The following SLC38A1 variants were observed in gnomAD, a reference collection of about 807,000 sequenced individuals.
SLC38A1 encodes solute carrier family 38 member 1.
Under a neutral mutation model 60.3 loss-of-function variants are expected in SLC38A1, and 18 were observed. The ratio of observed to expected loss-of-function variants is 0.30; its 90% confidence interval spans 0.21 to 0.44. The LOEUF (loss-of-function observed/expected upper bound fraction) is 0.44, where lower values mean the gene tolerates loss of function less well. SLC38A1 is among the 20% of genes least tolerant of loss of function. The pLI, the probability that SLC38A1 is intolerant of heterozygous loss-of-function variation, is 1.00. For missense variants in SLC38A1, 448 were observed against 587.2 expected, an observed-to-expected ratio of 0.76 and a Z score of 2.45; for synonymous variants, 196 against 212.1, an observed-to-expected ratio of 0.92 and a Z score of 0.66.
At chr12:46,224,261 T>C (rs1351138580) in intron 5 of SLC38A1, among the ~76,000 whole-genome samples, 1 of 152,050 alleles carries the variant, frequency 6.6e-6, no homozygotes, top group African/African-American at 2.4e-5. Flanking sequence ...TTGTTACCCA[T>C]AGAGGATATA....
intron 16 of SLC38A1, among the ~76,000 whole-genome samples, chr12:46,189,395 C>T (rs1939049587): frequency 6.6e-6 from 1 of 152,068 alleles, no homozygotes; most frequent in African/African-American, 2.4e-5. Flanking sequence ...ACTAAGATTA[C>T]AACCAAGGGG....
intron 3 of SLC38A1, among the ~76,000 whole-genome samples, chr12:46,231,421 A>C (rs1221179040): frequency 6.6e-6 from 1 of 152,184 alleles, no homozygotes; most frequent in Non-Finnish European, 1.5e-5. Context: ...GTACCTCCTA[A>C]ATCTATAAAA....
intron 3 of SLC38A1, 112 bp downstream of exon 3, chr12:46,239,567 T>C (rs932610196): frequency 2.5e-6 from 3 of 1,197,726 alleles, no homozygotes; most frequent in Admixed American, 1.8e-5. Flanking sequence ...GGTCTCGAAT[T>C]CCTGACCTCA....
chr12:46,263,072 A>G (rs1412658559), intron 1 of SLC38A1, among the ~76,000 whole-genome samples: 1 of 152,244 alleles, frequency 6.6e-6, no homozygotes, highest in African/African-American at 2.4e-5. Flanking sequence ...CAGTTCTAAC[A>G]GGACATTGGA....
chr12:46,257,031 A>C (rs1030198140), intron 1 of SLC38A1, among the ~76,000 whole-genome samples: 3 of 152,154 alleles, frequency 2.0e-5, no homozygotes, highest in African/African-American at 7.2e-5. Context: ...GAGAAGGCGA[A>C]ATGCTCAGGG....
intron 5 of SLC38A1, among the ~76,000 whole-genome samples, chr12:46,209,665 C>T (rs894082248): frequency 1.3e-5 from 2 of 152,160 alleles, no homozygotes; most frequent in African/African-American, 4.8e-5. Flanking sequence ...ATATATTGGG[C>T]TACTAATGTA....
In SLC38A1 at chr12:46,194,203, G is replaced by C. The variant is rs142043907; in HGVS notation, c.1362+3517C>G. 2.7e-4 allele frequency among the ~76,000 whole-genome samples: 41 copies of C among 152,284 alleles called. 1 individual carries two copies. The highest frequency in any genetic ancestry group is 3.4e-3 in the Middle Eastern group (1 of 294). ...CTCCTTCACTTATGAAGCTTAGTTT[G>C]GCTGGATAGGAGATTCCGGGTTGAA... On this transcript the variant is annotated intron_variant, in intron 16 of 16. Coordinates refer to ENST00000398637, the MANE Select transcript of SLC38A1 (RefSeq NM_030674.4).
rs971816750 is a variant in SLC38A1, at chr12:46,257,090, G to A, written c.-209+11436C>T. Among the ~76,000 whole-genome samples, 10 of 152,242 alleles carry A rather than the reference G, an allele frequency of 6.6e-5. No homozygotes were observed. The South Asian group carries it at 1.5e-3, about 22-fold the overall frequency. ...TGCAGCACCACTGAAAAGTTCAGGC[G>A]GCCACTTGTCAGTCAAGAAGTGATC... On this transcript the variant is annotated intron_variant, in intron 1 of 16. Coordinates refer to ENST00000398637, the MANE Select transcript of SLC38A1 (RefSeq NM_030674.4).
intron 1 of SLC38A1, among the ~76,000 whole-genome samples, chr12:46,265,843 C>T (rs1942333113): frequency 6.6e-6 from 1 of 152,166 alleles, no homozygotes; most frequent in African/African-American, 2.4e-5. Flanking sequence ...TTTTTCTCCA[C>T]CGCCCACTCC....
intron 12 of SLC38A1, among the ~76,000 whole-genome samples, chr12:46,202,572 T>C (rs759656978): frequency 3.3e-5 from 5 of 152,098 alleles, no homozygotes; most frequent in Non-Finnish European, 7.3e-5. Context: ...TAATATTGAT[T>C]TCTTATTGTC....
chr12:46,211,553 T>C (rs1940173062), intron 5 of SLC38A1, among the ~76,000 whole-genome samples: 1 of 152,260 alleles, frequency 6.6e-6, no homozygotes, highest in South Asian at 2.1e-4. Context: ...CATGGTTGTG[T>C]CTTAACACAA....
chr12:46,220,634 C>A, intron 5 of SLC38A1, among the ~76,000 whole-genome samples: 1 of 152,208 alleles, frequency 6.6e-6, no homozygotes, highest in Admixed American at 6.5e-5. Flanking sequence ...AAATAGCACA[C>A]AGACCATCTT....
chr12:46,248,987 T>A (rs1301182028), intron 1 of SLC38A1, among the ~76,000 whole-genome samples: 3 of 151,610 alleles, frequency 2.0e-5, no homozygotes, highest in African/African-American at 7.3e-5. Context: ...AAACCCCGTC[T>A]CTACTAAAAA....
chr12:46,242,714 T>G (rs952760557), intron 2 of SLC38A1, among the ~76,000 whole-genome samples: 43 of 152,092 alleles, frequency 2.8e-4, no homozygotes, highest in African/African-American at 1.0e-3. Flanking sequence ...TGGTGGGAGA[T>G]CATCTGAGCC....
chr12:46,234,887 G>A (rs1941206045), intron 3 of SLC38A1, among the ~76,000 whole-genome samples: 1 of 152,174 alleles, frequency 6.6e-6, no homozygotes, highest in African/African-American at 2.4e-5. Flanking sequence ...AATAGTTGAT[G>A]TAATATTTCT....
chr12:46,229,861 A>G (rs1941005116), intron 3 of SLC38A1, among the ~76,000 whole-genome samples: 1 of 152,182 alleles, frequency 6.6e-6, no homozygotes, highest in Admixed American at 6.5e-5. Flanking sequence ...TAAGTGCCCC[A>G]AGGGCAGGCA....
intron 5 of SLC38A1, among the ~76,000 whole-genome samples, chr12:46,212,600 C>A (rs1940224940): frequency 6.6e-6 from 1 of 152,136 alleles, no homozygotes; most frequent in African/African-American, 2.4e-5. Flanking sequence ...CTTCAAGAGT[C>A]TTTGAGTCAG....
chr12:46,234,368 T>C (rs996422419), intron 3 of SLC38A1, among the ~76,000 whole-genome samples: 1 of 152,320 alleles, frequency 6.6e-6, no homozygotes, highest in East Asian at 1.9e-4. Context: ...AGCGTCCCTA[T>C]TCTCTTTATG....
intron 9 of SLC38A1, 42 bp from the exon 10 acceptor site, chr12:46,204,632 A>G (rs371257816): frequency 1.4e-5 from 21 of 1,505,714 alleles, no homozygotes; most frequent in Non-Finnish European, 1.8e-5. Context: ...ATTTTTTTCC[A>G]TTTTTAAAAA....
Sources: allele counts gnomAD v4.1 joint callset (sites outside exome capture counted in the v4.1 genomes callset), GRCh38; gene constraint gnomAD v4.1.1; transcripts MANE v1.5; gene names NCBI Gene and HGNC (gene_info 2026-07-23, HGNC 2026-07-21).